Variants in DCC observed in about 807,000 individuals in gnomAD.
DCC encodes the protein netrin receptor DCC.
DCC carries 58 observed loss-of-function variants against 172.5 expected under a neutral mutation model. The observed-to-expected ratio is 0.34, with a 90% CI of 0.27 to 0.42. The LOEUF (loss-of-function observed/expected upper bound fraction) is 0.42, where lower values mean the gene tolerates loss of function less well. DCC is among the 10% of genes least tolerant of loss of function. DCC has a pLI of 1.00. For missense variants in DCC, 1,740 were observed against 1,791.0 expected (o/e 0.97, Z 0.51); for synonymous variants, 709 against 644.5 (o/e 1.10, Z -1.52).
intron 21 of DCC, among the ~76,000 whole-genome samples, chr18:53,429,003 A>AACAT (rs1911372086): frequency 2.2e-5 from 1 of 45,164 alleles, no homozygotes; most frequent in African/African-American, 6.1e-5. Context: ...TTTTTTATAT[A>AACAT]ATATATATTT....
At chr18:53,402,211 C>A (rs1229640754) in intron 18 of DCC, among the ~76,000 whole-genome samples, 1 of 151,874 alleles carries the variant, frequency 6.6e-6, no homozygotes, top group African/African-American at 2.4e-5. Flanking sequence ...GCAACATAGA[C>A]CCATCTCTAC....
intron 12 of DCC, among the ~76,000 whole-genome samples, chr18:53,271,084 C>T (rs1308848622): frequency 6.6e-6 from 1 of 152,086 alleles, no homozygotes; most frequent in Admixed American, 6.6e-5. Context: ...TTTTGCTACT[C>T]ACCACTGTGC....
At chr18:53,196,169 T>C (rs1324736537) in intron 9 of DCC, among the ~76,000 whole-genome samples, 4 of 152,142 alleles carry the variant, frequency 2.6e-5, no homozygotes, top group Non-Finnish European at 5.9e-5. Flanking sequence ...CCTAAGCACA[T>C]TTGGGTGAAA....
intron 1 of DCC, among the ~76,000 whole-genome samples, chr18:52,434,019 G>A (rs1378128567): frequency 3.3e-5 from 5 of 152,158 alleles, no homozygotes; most frequent in Admixed American, 6.5e-5. Flanking sequence ...CTAATCAAAT[G>A]TGTGGTGTAA....
At chr18:52,428,933 G>A (rs552191120) in intron 1 of DCC, among the ~76,000 whole-genome samples, 11 of 152,008 alleles carry the variant, frequency 7.2e-5, no homozygotes, top group East Asian at 5.8e-4. Context: ...AATACCCAGC[G>A]GCTGAACTTC....
At chr18:52,368,460 G>A (rs1217519523) in intron 1 of DCC, among the ~76,000 whole-genome samples, 8 of 152,120 alleles carry the variant, frequency 5.3e-5, no homozygotes, top group African/African-American at 9.7e-5. Context: ...AGAAAAAATA[G>A]CAGGTTTCAG....
chr18:52,520,349 G>C (rs757792049), intron 1 of DCC, among the ~76,000 whole-genome samples: 1 of 152,176 alleles, frequency 6.6e-6, no homozygotes, highest in Non-Finnish European at 1.5e-5. Flanking sequence ...GCTATAATCA[G>C]TAAATCCAAG....
intron 23 of DCC, among the ~76,000 whole-genome samples, chr18:53,454,182 TA>T (rs1011019799): frequency 8.5e-5 from 13 of 152,136 alleles, no homozygotes; most frequent in African/African-American, 2.7e-4. Context: ...ACCTTATCTC[TA>T]AAAAATTTTA....
In DCC at chr18:53,533,366, C is replaced by T. The variant is rs1598859248; in HGVS notation, c.*2713C>T. ...GGGTGATACCTGACAGCCAACCAGC[C>T]GCTCTGCCACCAGAACTCATTTCTC... On this transcript the variant is annotated 3_prime_UTR_variant, in exon 29 of 29. Transcript: ENST00000442544. 1 of 152,084 alleles carries T rather than the reference C, an allele frequency of 6.6e-6. No individual in the cohort carries two copies. The highest frequency in any genetic ancestry group is 2.4e-5 in the African/African-American group (1 of 41,394). 9.4% of individuals were successfully genotyped at this position (152,084 alleles called of 1,614,324 possible). A position where few individuals can be genotyped will look rare whatever the true frequency, so the allele number is the denominator to read the frequency against.
intron 1 of DCC, among the ~76,000 whole-genome samples, chr18:52,615,913 A>T (rs1002897271): frequency 6.6e-6 from 1 of 152,224 alleles, no homozygotes; most frequent in Non-Finnish European, 1.5e-5. Context: ...ATGCAGATAT[A>T]TAAACATATA....
intron 21 of DCC, among the ~76,000 whole-genome samples, chr18:53,431,416 T>C (rs989416300): frequency 7.9e-5 from 12 of 152,070 alleles, no homozygotes; most frequent in African/African-American, 2.7e-4. Flanking sequence ...AGTAATCCAA[T>C]ACAGAATTCT....
chr18:53,518,936 C>A (rs898450025), intron 27 of DCC, among the ~76,000 whole-genome samples: 1 of 152,030 alleles, frequency 6.6e-6, no homozygotes, highest in African/African-American at 2.4e-5. Context: ...GTTGGTATAG[C>A]TTTTCACTAA....
At chr18:52,545,460 G>T (rs889847409) in intron 1 of DCC, among the ~76,000 whole-genome samples, 2 of 152,288 alleles carry the variant, frequency 1.3e-5, no homozygotes, top group Non-Finnish European at 1.5e-5. Context: ...ACAGCCTCAA[G>T]CCGGTTCAGC....
chr18:52,843,619 T>A (rs2038841106), intron 2 of DCC, among the ~76,000 whole-genome samples: 1 of 152,246 alleles, frequency 6.6e-6, no homozygotes, highest in Admixed American at 6.5e-5. Context: ...AACATAATTT[T>A]GTATTTTTCC....
intron 1 of DCC, among the ~76,000 whole-genome samples, chr18:52,364,019 A>T (rs1984735051): frequency 6.6e-6 from 1 of 152,158 alleles, no homozygotes. Flanking sequence ...GCCCCCTGAG[A>T]CTGACACCTA....
chr18:53,136,126 A>G (rs887580469), intron 7 of DCC, among the ~76,000 whole-genome samples: 56 of 152,036 alleles, frequency 3.7e-4, no homozygotes, highest in Non-Finnish European at 1.9e-4. Context: ...GTTGTAAAAA[A>G]AAAATTGGAT....
intron 9 of DCC, among the ~76,000 whole-genome samples, chr18:53,186,626 A>G (rs1428073447): frequency 6.6e-6 from 1 of 152,230 alleles, no homozygotes; most frequent in African/African-American, 2.4e-5. Flanking sequence ...TATGCAGTTC[A>G]TAAGTATTTA....
intron 1 of DCC, among the ~76,000 whole-genome samples, chr18:52,530,796 T>G (rs1052865844): frequency 6.6e-5 from 10 of 152,162 alleles, no homozygotes; most frequent in Non-Finnish European, 1.3e-4. Flanking sequence ...AGAGAGAGAT[T>G]GTTTCCTTAC....
At chr18:53,503,630 T>G (rs1409395786) in intron 27 of DCC, among the ~76,000 whole-genome samples, 1 of 152,152 alleles carries the variant, frequency 6.6e-6, no homozygotes, top group Non-Finnish European at 1.5e-5. Flanking sequence ...GTGTGTGGGT[T>G]TTTTTCTTCT....
Sources: allele counts gnomAD v4.1 joint callset (sites outside exome capture counted in the v4.1 genomes callset), GRCh38; gene constraint gnomAD v4.1.1; transcripts MANE v1.5; gene names NCBI Gene and HGNC (gene_info 2026-07-23, HGNC 2026-07-21).